The following CYRIA variants were observed in gnomAD, a reference collection of about 807,000 sequenced individuals.
The protein encoded by CYRIA is CYFIP-related Rac1 interactor A.
Under a neutral mutation model 43.9 loss-of-function variants are expected in CYRIA, and 15 were observed. That is an observed-to-expected ratio of 0.34 (90% CI 0.23 to 0.53). The LOEUF (loss-of-function observed/expected upper bound fraction) is 0.53. CYRIA is among the 20% of genes least tolerant of loss of function. CYRIA has a pLI of 0.94. For missense variants in CYRIA, 236 were observed against 394.2 expected (o/e 0.60, Z 3.40); for synonymous variants, 117 against 136.0 (o/e 0.86, Z 0.97).
intron 1 of CYRIA, among the ~76,000 whole-genome samples, chr2:16,631,001 G>A (rs1572189984): frequency 6.6e-6 from 1 of 152,196 alleles, no homozygotes; most frequent in Non-Finnish European, 1.5e-5. Flanking sequence ...TGCAAGCCAG[G>A]AGGTTGCCTT....
chr2:16,643,669 C>T (rs543516903), intron 1 of CYRIA, among the ~76,000 whole-genome samples: 24 of 152,084 alleles, frequency 1.6e-4, no homozygotes, highest in Non-Finnish European at 3.4e-4. Context: ...CTGTATTCGC[C>T]CACAATCAGA....
chr2:16,644,906 G>C (rs943599438), intron 1 of CYRIA, among the ~76,000 whole-genome samples: 1 of 152,118 alleles, frequency 6.6e-6, no homozygotes, highest in Non-Finnish European at 1.5e-5. Flanking sequence ...CATAGCAGAC[G>C]GCAGCTGATT....
At chr2:16,587,449 A>G (rs1667770607) in intron 3 of CYRIA, among the ~76,000 whole-genome samples, 2 of 152,138 alleles carry the variant, frequency 1.3e-5, no homozygotes, top group African/African-American at 2.4e-5. Context: ...TAGGGCTACA[A>G]AAGTTGATCA....
intron 2 of CYRIA, among the ~76,000 whole-genome samples, chr2:16,603,253 C>T (rs576411271): frequency 3.3e-5 from 5 of 152,308 alleles, no homozygotes; most frequent in Middle Eastern, 6.8e-3. Flanking sequence ...GCACATGCTG[C>T]TCTGTCTGCT....
intron 1 of CYRIA, among the ~76,000 whole-genome samples, chr2:16,632,927 C>T (rs1217675070): frequency 6.6e-6 from 1 of 152,152 alleles, no homozygotes; most frequent in Non-Finnish European, 1.5e-5. Flanking sequence ...ATTCTGCCTT[C>T]CCCAATAGCA....
intron 2 of CYRIA, among the ~76,000 whole-genome samples, chr2:16,593,718 G>GTTTT (rs572181896): frequency 4.7e-5 from 4 of 85,844 alleles, no homozygotes; most frequent in Non-Finnish European, 6.8e-5. Context: ...GTGTGTGTGT[G>GTTTT]TTTTTTTTTT....
intron 2 of CYRIA, among the ~76,000 whole-genome samples, chr2:16,593,974 G>A (rs1340752086): frequency 4.7e-5 from 5 of 105,758 alleles, no homozygotes; most frequent in African/African-American, 1.1e-4. Flanking sequence ...GAGAATATGC[G>A]GTGTTTGGTT....
chr2:16,654,392 G>T (rs1670049079), intron 1 of CYRIA, among the ~76,000 whole-genome samples: 1 of 152,190 alleles, frequency 6.6e-6, no homozygotes, highest in South Asian at 2.1e-4. Flanking sequence ...GGTAGGGCGT[G>T]CCATGGGACT....
intron 3 of CYRIA, among the ~76,000 whole-genome samples, chr2:16,575,390 G>A (rs1667295458): frequency 6.6e-6 from 1 of 152,088 alleles, no homozygotes; most frequent in Non-Finnish European, 1.5e-5. Flanking sequence ...GATTTGGGAA[G>A]GGCCAGAGGC....
intron 1 of CYRIA, among the ~76,000 whole-genome samples, chr2:16,639,540 G>A (rs1669609944): frequency 6.6e-6 from 1 of 152,256 alleles, no homozygotes; most frequent in South Asian, 2.1e-4. Flanking sequence ...TACCTGCAGT[G>A]TGGGGCAGTC....
chr2:16,663,820 C>A (rs986457542), intron 1 of CYRIA, among the ~76,000 whole-genome samples: 1 of 152,090 alleles, frequency 6.6e-6, no homozygotes, highest in African/African-American at 2.4e-5. Context: ...GAGACACCTT[C>A]TAAAGAGCCT....
chr2:16,617,741 G>C (rs1668854187), intron 2 of CYRIA, among the ~76,000 whole-genome samples: 2 of 152,224 alleles, frequency 1.3e-5, no homozygotes, highest in African/African-American at 4.8e-5. Context: ...GGTGATTTAA[G>C]TGCAAACTCC....
chr2:16,565,588 T>G, intron 4 of CYRIA, 58 bp downstream of exon 4: 1 of 1,488,390 alleles, frequency 6.7e-7, no homozygotes, highest in Non-Finnish European at 9.1e-7. Flanking sequence ...TCTGTGTGCA[T>G]GTGTGGTTTT....
intron 1 of CYRIA, among the ~76,000 whole-genome samples, chr2:16,627,987 G>A (rs969379906): frequency 1.3e-5 from 2 of 152,210 alleles, no homozygotes; most frequent in Non-Finnish European, 2.9e-5. Flanking sequence ...CAGGCAGGCG[G>A]TTCCCTTTCT....
chr2:16,600,241 T>C (rs917927048), intron 2 of CYRIA, among the ~76,000 whole-genome samples: 1 of 152,184 alleles, frequency 6.6e-6, no homozygotes, highest in African/African-American at 2.4e-5. Context: ...CAATCTGAAG[T>C]CGGGGACTTG....
At chr2:16,662,437 G>C (rs1670281759) in intron 1 of CYRIA, among the ~76,000 whole-genome samples, 1 of 152,224 alleles carries the variant, frequency 6.6e-6, no homozygotes, top group Non-Finnish European at 1.5e-5. Context: ...TTGAGACCCA[G>C]AGAGGTTAGA....
chr2:16,555,026 A>C (rs763142494), intron 11 of CYRIA, 43 bp downstream of exon 11: 1 of 1,555,988 alleles, frequency 6.4e-7, no homozygotes, highest in Admixed American at 1.7e-5. Flanking sequence ...TGGCCCTGAA[A>C]GGCTGGCTGT....
At chr2:16,652,905 C>A (rs1038930557) in intron 1 of CYRIA, among the ~76,000 whole-genome samples, 3 of 152,200 alleles carry the variant, frequency 2.0e-5, no homozygotes, top group Non-Finnish European at 4.4e-5. Flanking sequence ...GCTTGTCCAG[C>A]TGGTTAATGG....
chr2:16,614,771 G>A (rs1049073161), intron 2 of CYRIA, among the ~76,000 whole-genome samples: 3 of 152,206 alleles, frequency 2.0e-5, no homozygotes, highest in Admixed American at 6.5e-5. Flanking sequence ...CACCTGCCAC[G>A]TAGCAGCTGT....
Sources: allele counts gnomAD v4.1 joint callset (sites outside exome capture counted in the v4.1 genomes callset), GRCh38; gene constraint gnomAD v4.1.1; transcripts MANE v1.5; gene names NCBI Gene and HGNC (gene_info 2026-07-23, HGNC 2026-07-21).